DLC1: variants seen among roughly 807,000 people sequenced by gnomAD.
DLC1 encodes DLC1 Rho GTPase activating protein.
Under a neutral mutation model 140.3 loss-of-function variants are expected in DLC1, and 54 were observed. The ratio of observed to expected loss-of-function variants is 0.38; its 90% CI spans 0.31 to 0.48. The LOEUF is 0.48. Among genes scored for constraint, DLC1 ranks in the 20% least tolerant of loss-of-function variants. The probability of loss-of-function intolerance (pLI) is 0.96; values close to 1 mark genes in which losing one functional copy is unlikely to be tolerated. For missense variants in DLC1, 2,536 were observed against 1,907.0 expected, an observed-to-expected ratio of 1.33 and a Z score of -6.14; for synonymous variants, 986 against 728.1, an observed-to-expected ratio of 1.35 and a Z score of -5.70.
In DLC1 at chr8:13,426,478, T is replaced by A. The variant is rs1174910349; in HGVS notation, c.1024-24859A>T. Reference sequence around the variant, plus strand: ...TGTATTTTAATAAATACCTTCTTTTTATCTCAGATAAAACCCTTGACACTC... The same window carrying A: ...TGTATTTTAATAAATACCTTCTTTTAATCTCAGATAAAACCCTTGACACTC... On this transcript the variant is annotated intron_variant, in intron 2 of 17. Transcript: ENST00000276297. Among the ~76,000 whole-genome samples, 4 of 152,208 alleles carry A rather than the reference T, an allele frequency of 2.6e-5. No individual in the cohort carries two copies. In the South Asian group the frequency reaches 8.3e-4, roughly 32 times the overall value.
Position 13,107,907 on chromosome 8 carries a change from G to A in DLC1, c.1502+2835C>T, listed in dbSNP as rs186798214. Among the ~76,000 whole-genome samples the A allele has an allele frequency of 5.0e-4, 76 of 152,172 alleles. No individual in the cohort carries two copies. In the East Asian group the frequency reaches 6.2e-3, roughly 12 times the overall value. ...AAAAAATACAAAAAATTAGCTGGGC[G>A]TGGTGGTGGGTGCCTGTAATCCCAG... is the stretch of plus-strand genomic sequence containing the variant. On this transcript the variant is annotated intron_variant, in intron 7 of 17. Transcript: ENST00000276297.
chr8:13,574,798 T>C (rs536328279), intron 1 of DLC1, among the ~76,000 whole-genome samples: 4 of 152,282 alleles, frequency 2.6e-5, no homozygotes, highest in Admixed American at 2.0e-4. Flanking sequence ...ATCTGAGTCA[T>C]TCAAATTCCA....
chr8:13,260,056 ACAG>A (rs1830413909), intron 5 of DLC1, among the ~76,000 whole-genome samples: 1 of 152,150 alleles, frequency 6.6e-6, no homozygotes, highest in Non-Finnish European at 1.5e-5. Context: ...AAACACACAA[ACAG>A]CAGAGGAGGA....
intron 7 of DLC1, 56 bp from the exon 8 acceptor site, chr8:13,102,909 G>A (rs1819217378): frequency 7.0e-7 from 1 of 1,418,704 alleles, no homozygotes; most frequent in Non-Finnish European, 9.9e-7. Flanking sequence ...CTAATGAGTG[G>A]ATAAACACCT....
chr8:13,454,238 TA>T (rs1277381812), intron 2 of DLC1, among the ~76,000 whole-genome samples: 2 of 150,686 alleles, frequency 1.3e-5, no homozygotes, highest in Admixed American at 6.6e-5. Flanking sequence ...TCATGAGCAT[TA>T]AAAAAAAATC....
chr8:13,193,152 C>G (rs956025085), intron 5 of DLC1, among the ~76,000 whole-genome samples: 2 of 152,154 alleles, frequency 1.3e-5, no homozygotes, highest in African/African-American at 4.8e-5. Context: ...CACACTGACA[C>G]CTATTGACTG....
chr8:13,538,607 T>C (rs1221230248), intron 1 of DLC1, among the ~76,000 whole-genome samples: 3 of 152,168 alleles, frequency 2.0e-5, no homozygotes, highest in African/African-American at 4.8e-5. Flanking sequence ...GTGTGGTGTA[T>C]CAGTGGGTGT....
intron 2 of DLC1, among the ~76,000 whole-genome samples, chr8:13,491,002 T>C (rs1801209721): frequency 6.8e-6 from 1 of 147,384 alleles, no homozygotes; most frequent in Non-Finnish European, 1.5e-5. Flanking sequence ...CACACACACA[T>C]ATATATATAA....
At chr8:13,326,353 C>T (rs986827341) in intron 4 of DLC1, among the ~76,000 whole-genome samples, 4 of 152,154 alleles carry the variant, frequency 2.6e-5, no homozygotes, top group African/African-American at 9.7e-5. Flanking sequence ...CTGACCTCTA[C>T]TTAAGAGTTG....
chr8:13,376,881 A>G (rs1836016509), intron 4 of DLC1, among the ~76,000 whole-genome samples: 1 of 152,156 alleles, frequency 6.6e-6, no homozygotes, highest in Admixed American at 6.5e-5. Context: ...CCTGTTCAAA[A>G]TTGGTTACTG....
chr8:13,374,710 A>G (rs1835887921), intron 4 of DLC1, among the ~76,000 whole-genome samples: 1 of 152,180 alleles, frequency 6.6e-6, no homozygotes, highest in Admixed American at 6.5e-5. Context: ...TGAGCCCAGA[A>G]AGTGAAGCTT....
At chr8:13,360,062 C>A (rs989766548) in intron 4 of DLC1, among the ~76,000 whole-genome samples, 4 of 152,148 alleles carry the variant, frequency 2.6e-5, no homozygotes, top group African/African-American at 9.7e-5. Context: ...GGGTAGAATT[C>A]TTTCTTTGCC....
rs9693391 is a variant in DLC1, at chr8:13,381,327, T to A, written c.1314+12226A>T. Among the ~76,000 whole-genome samples, 539 of 152,216 alleles carry A rather than the reference T, an allele frequency of 3.5e-3. 1 individual carries two copies. Among genetic ancestry groups the A allele is most frequent in the Middle Eastern group, 0.014 (4 of 294 alleles). On this transcript the variant is annotated intron_variant, in intron 4 of 17. Coordinates refer to ENST00000276297, the MANE Select transcript of DLC1 (RefSeq NM_182643.3). ...CTCTACAGGTTGTGGAAAAAGTAACTGACCTGCAAAAAAGGAGGTGCAAAG... is the reference window on the plus strand; with the variant it reads ...CTCTACAGGTTGTGGAAAAAGTAACAGACCTGCAAAAAAGGAGGTGCAAAG...
Position 13,379,326 on chromosome 8 carries a change from G to A in DLC1, c.1314+14227C>T, listed in dbSNP as rs566881257. On this transcript the variant is annotated intron_variant, in intron 4 of 17. Transcript: ENST00000276297. ...TGCAGATGCTCCTTGACTTACAATG[G>A]GGTTATGTTCCAATGAATCCATTGT... Among the ~76,000 whole-genome samples the A allele has an allele frequency of 1.2e-4, 18 of 152,040 alleles. 1 individual carries two copies. The South Asian group carries it at 3.1e-3, about 26-fold the overall frequency.
intron 2 of DLC1, among the ~76,000 whole-genome samples, chr8:13,431,653 A>G (rs905655992): frequency 6.6e-6 from 1 of 151,734 alleles, no homozygotes; most frequent in Admixed American, 6.6e-5. Context: ...CATCTGCTTT[A>G]GAAAGAATGT....
intron 4 of DLC1, among the ~76,000 whole-genome samples, chr8:13,366,741 GC>G (rs1835497300): frequency 6.6e-6 from 1 of 152,112 alleles, no homozygotes; most frequent in African/African-American, 2.4e-5. Context: ...AAGGCTCTAT[GC>G]TCATCCTCAG....
At chr8:13,178,572 CAA>C (rs75910995) in intron 5 of DLC1, among the ~76,000 whole-genome samples, 160 of 79,060 alleles carry the variant, frequency 2.0e-3, no homozygotes, top group African/African-American at 5.0e-3. Flanking sequence ...GACTCTGCCT[CAA>C]AAAAAAAAAA....
At chr8:13,243,662 A>G (rs1421157769) in intron 5 of DLC1, among the ~76,000 whole-genome samples, 1 of 152,136 alleles carries the variant, frequency 6.6e-6, no homozygotes, top group Non-Finnish European at 1.5e-5. Context: ...TTGTACTAAA[A>G]ATTGTCATCA....
chr8:13,412,231 A>C (rs1026411657), intron 2 of DLC1, among the ~76,000 whole-genome samples: 4 of 152,224 alleles, frequency 2.6e-5, no homozygotes, highest in African/African-American at 9.6e-5. Context: ...ATACTAATTA[A>C]TTATGAATGA....
Sources: gnomAD v4.1 joint callset for allele counts (sites outside exome capture counted in the v4.1 genomes callset) on GRCh38, gnomAD v4.1.1 for gene constraint, MANE v1.5 for transcripts, NCBI Gene and HGNC (gene_info 2026-07-23, HGNC 2026-07-21) for gene names.